The following MTHFD2L variants were observed in gnomAD, a reference collection of about 807,000 sequenced individuals.
The protein encoded by MTHFD2L is bifunctional methylenetetrahydrofolate dehydrogenase/cyclohydrolase 2, mitochondrial.
In MTHFD2L, 29 loss-of-function variants were observed where a neutral mutation model predicts 34.9. That is an observed-to-expected ratio of 0.83 (90% CI 0.62 to 1.13). MTHFD2L has a LOEUF of 1.13. Ranked by LOEUF, MTHFD2L falls within the 50% of genes most tolerant of loss-of-function variation. The pLI is 0.00. For synonymous variants in MTHFD2L, 167 were observed against 155.7 expected (o/e 1.07, Z -0.54); for missense variants, 481 against 446.5 (o/e 1.08, Z -0.70).
intron 1 of MTHFD2L, among the ~76,000 whole-genome samples, chr4:74,148,347 TTTTATTTATTTA>T (rs1298848631): frequency 7.3e-6 from 1 of 137,656 alleles, no homozygotes; most frequent in African/African-American, 2.7e-5. Flanking sequence ...TTCCCACACA[TTTTATTTATTTA>T]TTTATTTATT....
upstream of MTHFD2L, among the ~76,000 whole-genome samples, chr4:74,153,733 C>G (rs895241924): frequency 6.6e-6 from 1 of 151,970 alleles, no homozygotes; most frequent in Non-Finnish European, 1.5e-5. Context: ...ATATACCTAC[C>G]CTGGCTAGAT....
intron 6 of MTHFD2L, chr4:74,267,766 A>T (rs1239972467): frequency 7.1e-6 from 7 of 985,264 alleles, no homozygotes; most frequent in Non-Finnish European, 8.4e-6. Context: ...AGAAGCACAC[A>T]TTTGGACCCC....
At chr4:74,142,097 A>C (rs1723305458) in intron 1 of MTHFD2L, among the ~76,000 whole-genome samples, 1 of 152,202 alleles carries the variant, frequency 6.6e-6, no homozygotes, top group Admixed American at 6.5e-5. Context: ...ACTCACCGTA[A>C]TATCCCAAAA....
At chr4:74,178,068 A>G (rs1371516584) in intron 3 of MTHFD2L, among the ~76,000 whole-genome samples, 1 of 151,956 alleles carries the variant, frequency 6.6e-6, no homozygotes, top group African/African-American at 2.4e-5. Context: ...CATAGAGTTA[A>G]TGGTGGTTAC....
intron 1 of MTHFD2L, chr4:74,164,937 G>C (rs1012276398): frequency 1.0e-6 from 1 of 983,242 alleles, no homozygotes; most frequent in Admixed American, 6.1e-5. Flanking sequence ...TTCTGCCTTT[G>C]TGGGAAACCA....
intron 1 of MTHFD2L, among the ~76,000 whole-genome samples, chr4:74,171,537 T>A (rs1346912525): frequency 6.6e-6 from 1 of 152,208 alleles, no homozygotes; most frequent in African/African-American, 2.4e-5. Flanking sequence ...GAGTGGTGGC[T>A]CACACCTGTA....
chr4:74,291,003 C>CTTTGTTTTTTTTTT (rs1748852174), intron 7 of MTHFD2L, among the ~76,000 whole-genome samples: 1 of 29,272 alleles, frequency 3.4e-5, no homozygotes, highest in Non-Finnish European at 6.5e-5. Flanking sequence ...TTTTCCTTTT[C>CTTTGTTTTTTTTTT]TTTTTTTTTT....
chr4:74,174,463 TTTC>T (rs1394751240), intron 1 of MTHFD2L, 40 bp from the exon 2 acceptor site: 3 of 1,314,494 alleles, frequency 2.3e-6, no homozygotes, highest in African/African-American at 3.0e-5. Flanking sequence ...CAGTTGAGTG[TTTC>T]TTATTTTCTT....
intron 6 of MTHFD2L, among the ~76,000 whole-genome samples, chr4:74,276,372 G>C (rs1746648890): frequency 6.6e-6 from 1 of 152,096 alleles, no homozygotes. Flanking sequence ...TATAAGCTAT[G>C]TGAGCATAGA....
At chr4:74,272,018 A>T (rs1746059604) in intron 6 of MTHFD2L, among the ~76,000 whole-genome samples, 1 of 152,180 alleles carries the variant, frequency 6.6e-6, no homozygotes, top group Admixed American at 6.6e-5. Context: ...AATGTTGATG[A>T]TAATACCAAA....
At chr4:74,183,722 A>G (rs1451807466) in intron 3 of MTHFD2L, 4 of 152,048 alleles carry the variant, frequency 2.6e-5, no homozygotes, top group African/African-American at 9.7e-5. Flanking sequence ...AGATGGAAAT[A>G]TGGATCTGTC....
intron 1 of MTHFD2L, among the ~76,000 whole-genome samples, chr4:74,146,749 A>G (rs768167117): frequency 3.3e-5 from 5 of 152,116 alleles, no homozygotes; most frequent in Non-Finnish European, 5.9e-5. Flanking sequence ...TCTCTTGCGC[A>G]ACTTTTGCTT....
At chr4:74,158,414 C>A in intron 1 of MTHFD2L, 133 bp downstream of exon 1, 1 of 683,108 alleles carries the variant, frequency 1.5e-6, no homozygotes, top group Non-Finnish European at 1.8e-6. Context: ...CGAGGACAGC[C>A]TTGTCTGTGA....
At chr4:74,170,195 C>T (rs1480459170) in intron 1 of MTHFD2L, among the ~76,000 whole-genome samples, 1 of 152,160 alleles carries the variant, frequency 6.6e-6, no homozygotes, top group Admixed American at 6.5e-5. Flanking sequence ...AAACTACAAA[C>T]ACCTCTTATG....
intron 5 of MTHFD2L, among the ~76,000 whole-genome samples, chr4:74,209,139 G>C (rs1287534068): frequency 6.6e-6 from 1 of 152,106 alleles, no homozygotes; most frequent in Non-Finnish European, 1.5e-5. Context: ...CCTTTTACCA[G>C]TTTGCACAGG....
At chr4:74,190,596 C>T in intron 3 of MTHFD2L, 2 of 830,720 alleles carry the variant, frequency 2.4e-6, no homozygotes, top group Non-Finnish European at 2.9e-6. Context: ...AGAGTGTGTT[C>T]CCATTCCTTT....
At chr4:74,281,350 T>TGTGTGTGTGTGTGTGTGTG in intron 6 of MTHFD2L, 75 bp from the exon 7 acceptor site, 1 of 1,446,790 alleles carries the variant, frequency 6.9e-7, no homozygotes, top group African/African-American at 1.4e-5. Context: ...TGTGTGTGTG[T>TGTGTGTGTGTGTGTGTGTG]ATTTTTAAAG....
chr4:74,246,396 A>T (rs893108601), intron 6 of MTHFD2L, among the ~76,000 whole-genome samples: 1 of 151,776 alleles, frequency 6.6e-6, no homozygotes, highest in Non-Finnish European at 1.5e-5. Context: ...TCAGATGAGT[A>T]GGTTGCGAAA....
At chr4:74,271,705 A>C (rs1267836761) in intron 6 of MTHFD2L, among the ~76,000 whole-genome samples, 3 of 152,208 alleles carry the variant, frequency 2.0e-5, no homozygotes, top group Non-Finnish European at 4.4e-5. Context: ...AATTCTGTGA[A>C]GAAAGTCATT....
Sources: gnomAD v4.1 joint callset for allele counts (sites outside exome capture counted in the v4.1 genomes callset) on GRCh38, gnomAD v4.1.1 for gene constraint, MANE v1.5 for transcripts, NCBI Gene and HGNC (gene_info 2026-07-23, HGNC 2026-07-21) for gene names.